Variants in VAT1 observed in about 807,000 individuals in gnomAD.
VAT1 encodes the protein NADPH-dependent quinone oxidoreductase VAT1.
VAT1 carries 24 observed loss-of-function variants against 33.3 expected under a neutral mutation model. The ratio of observed to expected loss-of-function variants is 0.72; its 90% CI spans 0.52 to 1.01. VAT1 has a LOEUF of 1.01. Ranked by LOEUF, VAT1 falls within the 50% of genes least tolerant of loss-of-function variation. VAT1 has a pLI of 0.00. For missense variants in VAT1, 436 were observed against 533.7 expected (o/e 0.82, Z 1.80); for synonymous variants, 212 against 225.0 (o/e 0.94, Z 0.52).
chr17:43,018,542 G>C (rs765086600), intron 2 of VAT1, 50 bp downstream of exon 2: 2 of 1,599,050 alleles, frequency 1.3e-6, no homozygotes, highest in Non-Finnish European at 1.7e-6. Flanking sequence ...AAGGGGCCTG[G>C]AAGGAAATCT....
At position 43,018,626 on chromosome 17, in the gene VAT1, C is replaced by CT. The variant is rs774173730; in HGVS notation, c.560dup (p.Pro188AlafsTer57). 7.4e-6 allele frequency: 12 copies of CT among 1,613,888 alleles called. No individual in the cohort carries two copies. The highest frequency in any genetic ancestry group is 1.0e-5 in the Non-Finnish European group (12 of 1,180,058). The stretch of plus-strand genomic sequence containing the variant: ...TGTGTACCAAGACGCTGTGGCCAGG[C>CT]TGTAGGTTGCCGAAGTCAAAGAGGA... On this transcript the variant is annotated frameshift_variant, in exon 2 of 6. Coordinates refer to ENST00000355653, the MANE Select transcript of VAT1 (RefSeq NM_006373.4). LOFTEE classifies it high-confidence loss of function.
chr17:43,018,756 T>C lies in VAT1; in HGVS notation c.431A>G (p.Gln144Arg), dbSNP rs746044024. The C allele has an allele frequency of 9.3e-6, 15 of 1,614,046 alleles. No homozygotes were observed. The East Asian group carries it at 3.1e-4, about 34-fold the overall frequency. ...VMVLNRSGMW[Q>R]EEVTVPSVQT... ...GACCGAGGGCACAGTCACCTCTTCCTGCCACATCCCTGACCGGTTCAACAC... is the reference window on the plus strand; with the variant it reads ...GACCGAGGGCACAGTCACCTCTTCCCGCCACATCCCTGACCGGTTCAACAC... The change falls in exon 2 of 6, where the codon CAG (glutamine) becomes CGG (arginine). Residue 144 changes from glutamine to arginine, a missense_variant. Physicochemically the swap from Gln to Arg is conservative, Grantham distance 43. Transcript: ENST00000355653.
At chr17:43,018,275 C>T (rs1422872479) in intron 2 of VAT1, 69 bp from the exon 3 acceptor site, 9 of 1,525,518 alleles carry the variant, frequency 5.9e-6, no homozygotes, top group Non-Finnish European at 8.0e-6. Flanking sequence ...ATTCTAGCCT[C>T]CCAGGGACTC....
chr17:43,019,078 ATCT>A (rs1171086484), intron 1 of VAT1: 1 of 469,530 alleles, frequency 2.1e-6, no homozygotes, highest in Non-Finnish European at 3.9e-6. Flanking sequence ...TATCCTTATC[ATCT>A]TCTTACAGAT....
intron 1 of VAT1, 35 bp from the exon 2 acceptor site, chr17:43,018,834 T>C (rs752087080): frequency 2.5e-6 from 4 of 1,611,826 alleles, no homozygotes; most frequent in South Asian, 1.1e-5. Context: ...CAGTCACTCA[T>C]TCATTCACCC....
rs1246977364 is a variant in VAT1, at chr17:43,018,587, G to A, written c.595+5C>T. The A allele has an allele frequency of 1.2e-6, 2 of 1,613,106 alleles. No individual in the cohort carries two copies. The highest frequency in any genetic ancestry group is 1.1e-5 in the South Asian group (1 of 91,028). ...AAGGGGTGATAAAGTGAGGGGACCT[G>A]TCACCTGCAGCCATGTGTACCAAGA... On this transcript the variant is annotated splice_donor_5th_base_variant and intron_variant, in intron 2 of 5. Transcript: ENST00000355653.
chr17:43,020,537 C>A (rs1597784946), intron 1 of VAT1, among the ~76,000 whole-genome samples: 1 of 152,192 alleles, frequency 6.6e-6, no homozygotes, highest in South Asian at 2.1e-4. Flanking sequence ...GGCAGGTCTG[C>A]AAGAGGCTGC....
chr17:43,017,509 G>A (rs2050530021), intron 4 of VAT1, among the ~76,000 whole-genome samples: 1 of 146,750 alleles, frequency 6.8e-6, no homozygotes, highest in South Asian at 2.2e-4. Flanking sequence ...CTTGAACCCA[G>A]GAGGCAGAGG....
chr17:43,020,260 C>T (rs1035279958), intron 1 of VAT1: 2 of 985,450 alleles, frequency 2.0e-6, no homozygotes, highest in Admixed American at 6.1e-5. Context: ...AGAATCCAGG[C>T]TCTTACATCA....
At chr17:43,021,661 C>A (rs910355955) in intron 1 of VAT1, among the ~76,000 whole-genome samples, 1 of 148,816 alleles carries the variant, frequency 6.7e-6, no homozygotes, top group African/African-American at 2.5e-5. Flanking sequence ...TGCGCATGGG[C>A]ACCTTATTGT....
intron 1 of VAT1, among the ~76,000 whole-genome samples, chr17:43,020,884 AAAAAAAAAAAAG>A (rs1303245541): frequency 1.3e-5 from 2 of 151,456 alleles, no homozygotes; most frequent in African/African-American, 4.8e-5. Flanking sequence ...TAAAAAAAAA[AAAAAAAAAAAAG>A]AAAAAGAAAA....
rs374936951 is a variant in VAT1, at chr17:43,016,476, C to T, written c.929G>A (p.Ser310Asn). The T allele has an allele frequency of 6.2e-7, 1 of 1,614,088 alleles. No homozygotes were observed. Among genetic ancestry groups the T allele is most frequent in the African/African-American group, 1.3e-5 (1 of 74,928 alleles). ...ALARTWWNQF[S>N]VTALQLLQAN... ...CTGCAGCAGCTGCAGAGCTGTCACG[C>T]TGAACTGATTCCACCATGTCCGGGC... The change falls in exon 5 of 6, where the codon AGC (serine) becomes AAC (asparagine). Residue 310 changes from serine to asparagine, a missense_variant. This residue lies in a region of VAT1 where 282 missense variants were observed against 405.4 expected (regional missense o/e 0.70). Coordinates refer to ENST00000355653, the MANE Select transcript of VAT1 (RefSeq NM_006373.4).
rs151142616 is a variant in VAT1, at chr17:43,020,646, G to A, written c.387+1290C>T. Among the ~76,000 whole-genome samples the A allele has an allele frequency of 4.7e-4, 72 of 152,164 alleles. 1 individual carries two copies. The highest frequency in any genetic ancestry group is 1.7e-3 in the African/African-American group (71 of 41,520). On this transcript the variant is annotated intron_variant, in intron 1 of 5. Coordinates refer to ENST00000355653, the MANE Select transcript of VAT1 (RefSeq NM_006373.4). ...TAACCCCAGCACTTAGGGAGGCCGA[G>A]GTGGGCAGATCACCTGAGGTCGGGA...
intron 4 of VAT1, 79 bp from the exon 5 acceptor site, chr17:43,016,627 G>A: frequency 3.2e-6 from 5 of 1,557,890 alleles, no homozygotes; most frequent in Non-Finnish European, 4.4e-6. Context: ...TCTGTTCCCT[G>A]TGATCCCCTT....
chr17:43,018,696 T>G lies in VAT1; in HGVS notation c.491A>C (p.Glu164Ala). ...TFLIPEAMTF[E>A]EAAALLVNYI... Reference sequence around the variant, plus strand: ...ATTGACGAGCAAGGCAGCAGCTTCCTCAAAGGTCATGGCCTCAGGAATCAG... The same window carrying G: ...ATTGACGAGCAAGGCAGCAGCTTCCGCAAAGGTCATGGCCTCAGGAATCAG... The change falls in exon 2 of 6, where the codon GAG becomes GCG. Residue 164 changes from glutamate to alanine, a missense_variant. This residue lies in a region of VAT1 where 282 missense variants were observed against 405.4 expected (regional missense o/e 0.70). Transcript: ENST00000355653. 2 of 1,614,104 alleles carry G rather than the reference T, an allele frequency of 1.2e-6. No homozygotes were observed. Among genetic ancestry groups the G allele is most frequent in the Non-Finnish European group, 1.7e-6 (2 of 1,180,010 alleles).
Position 43,018,790 on chromosome 17 carries a change from G to T in VAT1, c.397C>A (p.Arg133=), listed in dbSNP as rs183201937. Reference sequence around the variant, plus strand: ...CCTGACCGGTTCAACACCATCACCCGGTCTCCTGCCTTGAAGAACAGAAGA... The same window carrying T: ...CCTGACCGGTTCAACACCATCACCCTGTCTCCTGCCTTGAAGAACAGAAGA... ...EGVSDRKAGD[R]VMVLNRSGMW... The change falls in exon 2 of 6, where the codon CGG becomes AGG. Residue 133 remains arginine (R), a synonymous_variant. Coordinates refer to ENST00000355653, the MANE Select transcript of VAT1 (RefSeq NM_006373.4). 6.2e-7 allele frequency: 1 copy of T among 1,614,098 alleles called. No homozygotes were observed. The highest frequency in any genetic ancestry group is 8.5e-7 in the Non-Finnish European group (1 of 1,180,016).
At chr17:43,017,774 T>C (rs2050532621) in intron 4 of VAT1, 67 bp downstream of exon 4, 3 of 1,483,536 alleles carry the variant, frequency 2.0e-6, no homozygotes, top group South Asian at 2.3e-5. Context: ...CTGGCCTCTA[T>C]ATCCCACCCC....
chr17:43,018,815 A>C lies in VAT1; in HGVS notation c.388-16T>G. ...GGTCTCCTGCCTTGAAGAACAGAAGAGTATCATTCAGTCACTCATTCATTC... is the reference window on the plus strand; with the variant it reads ...GGTCTCCTGCCTTGAAGAACAGAAGCGTATCATTCAGTCACTCATTCATTC... On this transcript the variant is annotated splice_polypyrimidine_tract_variant and intron_variant, in intron 1 of 5. Transcript: ENST00000355653. 1 of 1,613,690 alleles carries C rather than the reference A, an allele frequency of 6.2e-7. No homozygotes were observed. The highest frequency in any genetic ancestry group is 1.1e-5 in the South Asian group (1 of 91,070).
At chr17:43,020,111 C>A in intron 1 of VAT1, 1 of 985,352 alleles carries the variant, frequency 1.0e-6, no homozygotes, top group African/African-American at 1.7e-5. Context: ...CATGGCCAGT[C>A]CCAGATTTGA....
Sources: gnomAD v4.1 joint callset for allele counts (sites outside exome capture counted in the v4.1 genomes callset) on GRCh38, gnomAD v4.1.1 for gene constraint, gnomAD v4.1.1 regional missense constraint, MANE v1.5 for transcripts, NCBI Gene and HGNC (gene_info 2026-07-23, HGNC 2026-07-21) for gene names.